The following FMN1 variants were observed in gnomAD, a reference collection of about 807,000 sequenced individuals.
FMN1 encodes the protein formin-1.
In FMN1, 110 loss-of-function variants were observed where a neutral mutation model predicts 132.4. The ratio of observed to expected loss-of-function variants is 0.83; its 90% CI spans 0.71 to 0.97. FMN1 has a LOEUF of 0.97. Ranked by LOEUF, FMN1 falls within the 50% of genes least tolerant of loss-of-function variation. The probability of loss-of-function intolerance (pLI) is 0.00; values close to 1 mark genes in which losing one functional copy is unlikely to be tolerated. For synonymous variants in FMN1, 722 were observed against 651.7 expected, an observed-to-expected ratio of 1.11 and a Z score of -1.64; for missense variants, 1,792 against 1,705.3, an observed-to-expected ratio of 1.05 and a Z score of -0.90.
intron 15 of FMN1, among the ~76,000 whole-genome samples, chr15:32,889,709 C>T (rs928777383): frequency 1.4e-5 from 2 of 142,924 alleles, no homozygotes; most frequent in African/African-American, 2.6e-5. Flanking sequence ...ACCTCCAGCA[C>T]GTGGGTGTTT....
At chr15:32,832,074 T>C (rs12101843) in intron 17 of FMN1, among the ~76,000 whole-genome samples, 59,827 of 152,018 alleles carry the variant, frequency 0.39, 12,637 homozygotes, top group East Asian at 0.84. Context: ...ATTTGAAACA[T>C]AAACTCAGGC....
intron 4 of FMN1, among the ~76,000 whole-genome samples, chr15:33,097,628 T>C (rs1303440777): frequency 6.6e-6 from 1 of 151,630 alleles, no homozygotes; most frequent in Non-Finnish European, 1.5e-5. Context: ...TAGGGAAAAA[T>C]AGTGGGGAGG....
chr15:32,860,912 TC>T (rs1264079786), intron 16 of FMN1: 7 of 152,184 alleles, frequency 4.6e-5, no homozygotes, highest in Non-Finnish European at 8.8e-5. Context: ...AAGATGATTA[TC>T]CTGATTGGGT....
At chr15:32,927,088 C>T (rs2060980715) in intron 9 of FMN1, among the ~76,000 whole-genome samples, 1 of 152,236 alleles carries the variant, frequency 6.6e-6, no homozygotes, top group East Asian at 1.9e-4. Flanking sequence ...TTAGTCATTG[C>T]ACCTGGCCTA....
chr15:32,811,223 C>T (rs552600805), intron 17 of FMN1: 4 of 379,482 alleles, frequency 1.1e-5, no homozygotes, highest in Non-Finnish European at 2.1e-5. Context: ...GGACGATATC[C>T]TTGCTGGTCT....
intron 6 of FMN1, among the ~76,000 whole-genome samples, chr15:33,027,324 C>T (rs1247935687): frequency 1.3e-5 from 2 of 151,928 alleles, no homozygotes; most frequent in Non-Finnish European, 2.9e-5. Flanking sequence ...AGAATAATAA[C>T]AGATAATTTT....
chr15:32,847,361 A>G, intron 17 of FMN1, among the ~76,000 whole-genome samples: 1 of 152,146 alleles, frequency 6.6e-6, no homozygotes, highest in East Asian at 1.9e-4. Context: ...TACTTATCTG[A>G]CAAATAATAT....
chr15:32,778,950 T>G (rs1445807003), intron 19 of FMN1, among the ~76,000 whole-genome samples: 1 of 152,094 alleles, frequency 6.6e-6, no homozygotes, highest in Non-Finnish European at 1.5e-5. Context: ...TTAAATGTGG[T>G]ATATCCATAC....
intron 4 of FMN1, among the ~76,000 whole-genome samples, chr15:33,123,597 G>C (rs184350668): frequency 8.9e-4 from 136 of 152,224 alleles, no homozygotes; most frequent in Middle Eastern, 3.4e-3. Context: ...TATGGTATGG[G>C]GGTACAGGTT....
intron 6 of FMN1, among the ~76,000 whole-genome samples, chr15:33,013,696 G>C (rs1256256350): frequency 4.6e-5 from 7 of 152,148 alleles, no homozygotes; most frequent in Non-Finnish European, 8.8e-5. Flanking sequence ...ATAAGAAGCA[G>C]AAAGTGACTT....
chr15:32,776,015 T>G (rs1305676084), intron 20 of FMN1, among the ~76,000 whole-genome samples: 1 of 152,174 alleles, frequency 6.6e-6, no homozygotes, highest in Non-Finnish European at 1.5e-5. Flanking sequence ...AACTAATATT[T>G]ATTGAGCTCT....
chr15:32,845,259 T>C (rs912629448), intron 17 of FMN1, among the ~76,000 whole-genome samples: 34 of 152,158 alleles, frequency 2.2e-4, no homozygotes, highest in African/African-American at 7.7e-4. Context: ...AGAACAACCA[T>C]TATGCAAGAT....
At position 33,133,469 on chromosome 15, in the gene FMN1, G is replaced by A. The variant is rs1022501581; in HGVS notation, c.1867+19579C>T. ...AGGGCCATAGAAACTGTAGAAGAAA[G>A]AGCATTAACTGGAGTGCTAGAGACC... On this transcript the variant is annotated intron_variant, in intron 4 of 20. Transcript: ENST00000616417. Among the ~76,000 whole-genome samples the A allele has an allele frequency of 3.3e-5, 5 of 152,194 alleles. No individual in the cohort carries two copies. In the South Asian group the frequency reaches 8.3e-4, roughly 25 times the overall value.
intron 4 of FMN1, among the ~76,000 whole-genome samples, chr15:33,142,894 C>G (rs1418728036): frequency 6.6e-6 from 1 of 152,168 alleles, no homozygotes; most frequent in Non-Finnish European, 1.5e-5. Flanking sequence ...GACGTGCTGT[C>G]CTTTGATCAT....
intron 17 of FMN1, among the ~76,000 whole-genome samples, chr15:32,821,059 T>C (rs768041444): frequency 1.5e-5 from 2 of 130,340 alleles, no homozygotes; most frequent in African/African-American, 2.7e-5. Context: ...GGCAGTTTTG[T>C]TGTTGTTGTT....
intron 6 of FMN1, chr15:33,012,780 C>T (rs2034802679): frequency 1.1e-5 from 8 of 708,038 alleles, no homozygotes; most frequent in Middle Eastern, 4.0e-4. Flanking sequence ...GAGAAAACTT[C>T]AGTGGTCATG....
chr15:32,947,365 CATTA>C (rs1179864686), intron 9 of FMN1, among the ~76,000 whole-genome samples: 3 of 152,028 alleles, frequency 2.0e-5, no homozygotes, highest in African/African-American at 7.2e-5. Flanking sequence ...TCTTTTCACT[CATTA>C]TTTATTTATT....
chr15:32,848,630 A>AC (rs1173795350), intron 17 of FMN1, among the ~76,000 whole-genome samples: 2 of 152,106 alleles, frequency 1.3e-5, no homozygotes, highest in African/African-American at 4.8e-5. Context: ...TGGCTAAGGG[A>AC]CCCCAGTTGG....
At chr15:32,975,251 C>A (rs1263370688) in intron 7 of FMN1, among the ~76,000 whole-genome samples, 1 of 152,144 alleles carries the variant, frequency 6.6e-6, no homozygotes, top group East Asian at 1.9e-4. Context: ...TGTTTATCTT[C>A]TTTGCAAATC....
Sources: allele counts gnomAD v4.1 joint callset (sites outside exome capture counted in the v4.1 genomes callset), GRCh38; gene constraint gnomAD v4.1.1; transcripts MANE v1.5; gene names NCBI Gene and HGNC (gene_info 2026-07-23, HGNC 2026-07-21).